The following DHRSX variants were observed in gnomAD, a reference collection of about 807,000 sequenced individuals.
The protein encoded by DHRSX is dehydrogenase/reductase X-linked, also known as polyprenol dehydrogenase.
Under a neutral mutation model 34.0 loss-of-function variants are expected in DHRSX, and 31 were observed. That is an observed-to-expected ratio of 0.91 (90% CI 0.69 to 1.23). The LOEUF (loss-of-function observed/expected upper bound fraction) is 1.23, where lower values mean the gene tolerates loss of function less well. DHRSX is among the 50% of genes most tolerant of loss of function. The probability of loss-of-function intolerance (pLI) is 0.00; values close to 1 mark genes in which losing one functional copy is unlikely to be tolerated. For synonymous variants in DHRSX, 201 were observed against 183.8 expected (o/e 1.09, Z -0.76); for missense variants, 414 against 428.1 (o/e 0.97, Z 0.29).
rs1371583501 is a variant in DHRSX at position 2,221,233 on chromosome X, G to A, written c.805-4C>T. On this transcript the variant is annotated splice_region_variant and splice_polypyrimidine_tract_variant and intron_variant, in intron 6 of 6. Transcript: ENST00000334651. Reference sequence around the variant, plus strand: ...TCCACGCTCCTTCATCGGGGGTCTGGTGGAAGAAGAAAAGAAGGCTACGAT... The same window carrying A: ...TCCACGCTCCTTCATCGGGGGTCTGATGGAAGAAGAAAAGAAGGCTACGAT... 3.7e-6 allele frequency: 6 copies of A among 1,611,662 alleles called. No homozygotes were observed. The highest frequency in any genetic ancestry group is 2.2e-5 in the East Asian group (1 of 44,866).
chrX:2,469,037 C>T (rs2044545702), intron 1 of DHRSX, among the ~76,000 whole-genome samples: 1 of 151,666 alleles, frequency 6.6e-6, no homozygotes, highest in Admixed American at 6.6e-5. Context: ...AGGCACGTGG[C>T]TGAGGGGCCT....
chrX:2,396,448 G>A (rs2012903), intron 3 of DHRSX, among the ~76,000 whole-genome samples: 1 of 144,552 alleles, frequency 6.9e-6, no homozygotes, highest in African/African-American at 2.6e-5. Context: ...CAATATCTCA[G>A]CTCACTGCAA....
At chrX:2,372,382 C>A (rs1435824391) in intron 3 of DHRSX, among the ~76,000 whole-genome samples, 1 of 152,054 alleles carries the variant, frequency 6.6e-6, no homozygotes, top group Non-Finnish European at 1.5e-5. Flanking sequence ...TGATTGACAG[C>A]GTGAGTGTGT....
intron 3 of DHRSX, among the ~76,000 whole-genome samples, chrX:2,380,697 T>C (rs1457623910): frequency 6.6e-6 from 1 of 152,128 alleles, no homozygotes; most frequent in Non-Finnish European, 1.5e-5. Flanking sequence ...TTTAGAAGTG[T>C]GTGGCATTCC....
rs755808466 is a variant in DHRSX at position 2,289,409 on chromosome X, C to T, written c.388+2093G>A. Among the ~76,000 whole-genome samples, 33 of 152,264 alleles carry T rather than the reference C, an allele frequency of 2.2e-4. No individual in the cohort carries two copies. The South Asian group carries it at 3.5e-3, about 16-fold the overall frequency. ...TTGGGATTACAGGGGTGAGCCACCG[C>T]GCCCGGCCTGAGATTCCTAATTTTT... On this transcript the variant is annotated intron_variant, in intron 4 of 6. Coordinates refer to ENST00000334651, the MANE Select transcript of DHRSX (RefSeq NM_145177.3).
At chrX:2,314,231 G>C (rs1186916188) in intron 3 of DHRSX, among the ~76,000 whole-genome samples, 3 of 10,216 alleles carry the variant, frequency 2.9e-4, no homozygotes, top group Non-Finnish European at 4.3e-4. Flanking sequence ...GGAAGGAAGG[G>C]AGGGAGGGAA....
At chrX:2,316,990 CTCT>C (rs1386494074) in intron 3 of DHRSX, among the ~76,000 whole-genome samples, 1 of 152,156 alleles carries the variant, frequency 6.6e-6, no homozygotes, top group Non-Finnish European at 1.5e-5. Flanking sequence ...CGGAGTCTCC[CTCT>C]GTCGCCCAGG....
rs748127395 is a variant in DHRSX at position 2,422,925 on chromosome X, C to CA, written c.217+2271dup. On this transcript the variant is annotated intron_variant, in intron 2 of 6. Transcript: ENST00000334651. ...TCAGCCTCCCGAGTAGCTGGGACTA[C>CA]AGGCGCCCACCACCACGCAGGCACT... Among the ~76,000 whole-genome samples the CA allele has an allele frequency of 1.4e-4, 22 of 152,136 alleles. No individual in the cohort carries two copies. In the East Asian group the frequency reaches 4.3e-3, roughly 30 times the overall value.
chrX:2,386,525 T>C (rs1448938941), intron 3 of DHRSX, among the ~76,000 whole-genome samples: 1 of 152,158 alleles, frequency 6.6e-6, no homozygotes, highest in Non-Finnish European at 1.5e-5. Flanking sequence ...AACCAGATAT[T>C]CAAGAATTCA....
intron 1 of DHRSX, among the ~76,000 whole-genome samples, chrX:2,460,576 G>T (rs891482200): frequency 1.1e-5 from 1 of 92,828 alleles, no homozygotes; most frequent in African/African-American, 4.5e-5. Context: ...GTGCCACCAC[G>T]TCTGGCTTTT....
intron 3 of DHRSX, among the ~76,000 whole-genome samples, chrX:2,371,276 TTC>T (rs888766163): frequency 1.4e-4 from 21 of 148,162 alleles, no homozygotes; most frequent in African/African-American, 2.3e-4. Context: ...ACCCTTCTAC[TTC>T]TGTTACCATA....
At chrX:2,355,602 AT>A (rs2042841155) in intron 3 of DHRSX, among the ~76,000 whole-genome samples, 2 of 151,592 alleles carry the variant, frequency 1.3e-5, no homozygotes, top group South Asian at 4.2e-4. Flanking sequence ...AACCTAATAT[AT>A]TCATATCAGA....
At chrX:2,307,668 G>C (rs2042114641) in intron 3 of DHRSX, among the ~76,000 whole-genome samples, 1 of 151,450 alleles carries the variant, frequency 6.6e-6, no homozygotes, top group Non-Finnish European at 1.5e-5. Context: ...AGGAGGCTGA[G>C]GCAGGAGAAT....
intron 5 of DHRSX, among the ~76,000 whole-genome samples, chrX:2,252,678 C>T: frequency 6.6e-6 from 1 of 152,112 alleles, no homozygotes; most frequent in South Asian, 2.1e-4. Context: ...TTTAAAAATA[C>T]GGTGTGGGGG....
intron 3 of DHRSX, among the ~76,000 whole-genome samples, chrX:2,394,444 TAGCCGGTTAG>T (rs1207045829): frequency 2.0e-5 from 3 of 152,156 alleles, no homozygotes; most frequent in African/African-American, 4.8e-5. Flanking sequence ...TCGGTGAGGA[TAGCCGGTTAG>T]AGCTACAGGT....
At chrX:2,228,645 G>C (rs1397244859) in intron 6 of DHRSX, among the ~76,000 whole-genome samples, 1 of 151,846 alleles carries the variant, frequency 6.6e-6, no homozygotes, top group African/African-American at 2.4e-5. Flanking sequence ...TATCTGTGGT[G>C]ACTCTGAGAA....
At chrX:2,266,642 A>C (rs1199290290) in intron 5 of DHRSX, 98 bp downstream of exon 5, 13 of 1,215,640 alleles carry the variant, frequency 1.1e-5, no homozygotes, top group East Asian at 7.0e-5. Flanking sequence ...ACCAGCGTCC[A>C]GCAGATGCAG....
intron 1 of DHRSX, among the ~76,000 whole-genome samples, chrX:2,478,087 TC>T (rs2044709021): frequency 6.6e-6 from 1 of 152,168 alleles, no homozygotes; most frequent in South Asian, 2.1e-4. Flanking sequence ...GAGCTGCAGT[TC>T]CAGAAAGCAA....
chrX:2,400,118 C>A (rs1475973708), intron 3 of DHRSX, among the ~76,000 whole-genome samples: 1 of 152,120 alleles, frequency 6.6e-6, no homozygotes, highest in Non-Finnish European at 1.5e-5. Flanking sequence ...TAAAACTTCT[C>A]GGGAATAAAC....
Sources: allele counts gnomAD v4.1 joint callset (sites outside exome capture counted in the v4.1 genomes callset), GRCh38; gene constraint gnomAD v4.1.1; transcripts MANE v1.5; gene names NCBI Gene and HGNC (gene_info 2026-07-23, HGNC 2026-07-21).